The following TSHZ2 variants were observed in gnomAD, a reference collection of about 807,000 sequenced individuals.
The protein encoded by TSHZ2 is teashirt zinc finger homeobox 2, also known as teashirt homolog 2.
Under a neutral mutation model 74.4 loss-of-function variants are expected in TSHZ2, and 21 were observed. The ratio of observed to expected loss-of-function variants is 0.28; its 90% confidence interval spans 0.20 to 0.41. The LOEUF (loss-of-function observed/expected upper bound fraction) is 0.41. TSHZ2 is among the 10% of genes least tolerant of loss of function. The pLI, the probability that TSHZ2 is intolerant of heterozygous loss-of-function variation, is 1.00. For missense variants in TSHZ2, 1,244 were observed against 1,293.5 expected, an observed-to-expected ratio of 0.96 and a Z score of 0.59; for synonymous variants, 540 against 515.3, an observed-to-expected ratio of 1.05 and a Z score of -0.65.
At chr20:53,485,690 C>G (rs1263784101) in intron 2 of TSHZ2, among the ~76,000 whole-genome samples, 1 of 147,746 alleles carries the variant, frequency 6.8e-6, no homozygotes, top group African/African-American at 2.5e-5. Flanking sequence ...GCTTGGGTGA[C>G]AGAGCAAGGC....
intron 2 of TSHZ2, among the ~76,000 whole-genome samples, chr20:53,343,971 A>G (rs1411496327): frequency 2.6e-5 from 4 of 152,028 alleles, no homozygotes; most frequent in African/African-American, 9.7e-5. Flanking sequence ...GCAAAGTTTC[A>G]CTCCAGAATC....
chr20:53,303,945 T>G (rs1422177449), intron 2 of TSHZ2, among the ~76,000 whole-genome samples: 1 of 152,138 alleles, frequency 6.6e-6, no homozygotes, highest in African/African-American at 2.4e-5. Flanking sequence ...TTTTATCACT[T>G]CCCTAGAGTT....
At chr20:53,270,075 A>G (rs6022365) in intron 2 of TSHZ2, among the ~76,000 whole-genome samples, 7,358 of 152,178 alleles carry the variant, frequency 0.048, 429 homozygotes, top group African/African-American at 0.14. Context: ...GCCACAGTGA[A>G]ATGCACCTGT....
intron 1 of TSHZ2, among the ~76,000 whole-genome samples, chr20:53,250,348 G>A (rs1990296478): frequency 6.6e-6 from 1 of 152,156 alleles, no homozygotes; most frequent in Admixed American, 6.5e-5. Context: ...CATCAATACA[G>A]AGAGAGACAC....
intron 2 of TSHZ2, among the ~76,000 whole-genome samples, chr20:53,446,810 G>T (rs1216867960): frequency 1.3e-5 from 2 of 152,154 alleles, no homozygotes; most frequent in Non-Finnish European, 1.5e-5. Context: ...CACAAATGGG[G>T]TCTACAGAAG....
intron 1 of TSHZ2, among the ~76,000 whole-genome samples, chr20:53,090,795 C>T (rs528593606): frequency 2.6e-5 from 4 of 152,310 alleles, no homozygotes; most frequent in Non-Finnish European, 5.9e-5. Flanking sequence ...GTCACTAATG[C>T]TGTGTGTGCA....
chr20:53,287,375 G>T (rs1991188142), intron 2 of TSHZ2, among the ~76,000 whole-genome samples: 1 of 152,142 alleles, frequency 6.6e-6, no homozygotes, highest in Admixed American at 6.5e-5. Flanking sequence ...CCAGGGTCTG[G>T]TCCACAAGGG....
chr20:53,305,952 T>A (rs1483554971), intron 2 of TSHZ2, among the ~76,000 whole-genome samples: 1 of 147,240 alleles, frequency 6.8e-6, no homozygotes, highest in African/African-American at 2.5e-5. Context: ...CACTCCGGCC[T>A]GGGCAGCAGA....
At chr20:53,040,887 A>G (rs983954412) in intron 1 of TSHZ2, among the ~76,000 whole-genome samples, 1 of 152,118 alleles carries the variant, frequency 6.6e-6, no homozygotes, top group Non-Finnish European at 1.5e-5. Flanking sequence ...GGTGCCAAGT[A>G]TGAGTAAATT....
intron 2 of TSHZ2, among the ~76,000 whole-genome samples, chr20:53,372,732 G>A (rs1373629302): frequency 6.6e-6 from 1 of 152,150 alleles, no homozygotes; most frequent in African/African-American, 2.4e-5. Flanking sequence ...GCTTCAGCTG[G>A]AAAATGTCTT....
intron 2 of TSHZ2, among the ~76,000 whole-genome samples, chr20:53,480,869 T>C (rs560582678): frequency 3.1e-4 from 47 of 152,310 alleles, no homozygotes; most frequent in South Asian, 1.5e-3. Flanking sequence ...TTAAAGCATA[T>C]GTCATTCTAC....
At chr20:53,027,271 T>A (rs1022675819) in intron 1 of TSHZ2, among the ~76,000 whole-genome samples, 7 of 152,236 alleles carry the variant, frequency 4.6e-5, no homozygotes, top group Non-Finnish European at 8.8e-5. Context: ...TATACATGCA[T>A]ATGTACAGTT....
intron 1 of TSHZ2, among the ~76,000 whole-genome samples, chr20:53,200,151 G>A (rs995932432): frequency 9.2e-5 from 14 of 152,312 alleles, no homozygotes; most frequent in East Asian, 1.9e-4. Flanking sequence ...AATGGATGGC[G>A]AGGAAGAGCT....
intron 1 of TSHZ2, among the ~76,000 whole-genome samples, chr20:53,145,989 C>T (rs1987530969): frequency 6.6e-6 from 1 of 152,116 alleles, no homozygotes; most frequent in Non-Finnish European, 1.5e-5. Context: ...ACTAAAACGT[C>T]TAGGAGAAAA....
chr20:53,414,402 T>C (rs1983162859), intron 2 of TSHZ2, among the ~76,000 whole-genome samples: 2 of 152,268 alleles, frequency 1.3e-5, no homozygotes, highest in African/African-American at 2.4e-5. Context: ...GAAGGATTGC[T>C]TGAGCCCAGG....
chr20:53,298,248 G>A (rs1991418700), intron 2 of TSHZ2, among the ~76,000 whole-genome samples: 1 of 152,208 alleles, frequency 6.6e-6, no homozygotes, highest in Non-Finnish European at 1.5e-5. Context: ...TGTTCTCCTG[G>A]CCCTTACATT....
In TSHZ2 at chr20:53,081,204, T is replaced by A. The variant is rs567999601; in HGVS notation, c.40+107871T>A. On this transcript the variant is annotated intron_variant, in intron 1 of 2. Transcript: ENST00000371497. The stretch of plus-strand genomic sequence containing the variant: ...CTGTTTTTTTTATTATCTTATTATT[T>A]TTTATTTTGTAAAGATGAGGTCTCG... Among the ~76,000 whole-genome samples the A allele has an allele frequency of 2.2e-3, 341 of 152,208 alleles. 1 individual carries two copies. The highest frequency in any genetic ancestry group is 7.6e-3 in the African/African-American group (316 of 41,524).
chr20:52,986,468 G>A (rs531705875), intron 1 of TSHZ2, among the ~76,000 whole-genome samples: 11 of 150,114 alleles, frequency 7.3e-5, no homozygotes, highest in Non-Finnish European at 1.3e-4. Flanking sequence ...GGTGGCTCAC[G>A]CCTGTAATCC....
intron 2 of TSHZ2, among the ~76,000 whole-genome samples, chr20:53,377,522 T>G (rs1051715648): frequency 1.3e-5 from 2 of 152,178 alleles, no homozygotes; most frequent in Non-Finnish European, 2.9e-5. Context: ...GGCTTTGCTG[T>G]CTCTGTTACA....
Sources: allele counts gnomAD v4.1 joint callset (sites outside exome capture counted in the v4.1 genomes callset), GRCh38; gene constraint gnomAD v4.1.1; transcripts MANE v1.5; gene names NCBI Gene and HGNC (gene_info 2026-07-23, HGNC 2026-07-21).